Variants in GALNT16 observed in about 807,000 individuals in gnomAD.
The protein encoded by GALNT16 is polypeptide N-acetylgalactosaminyltransferase 16, also known as UDP-GalNAc:polypeptide N-acetylgalactosaminyltransferase-like protein 1.
A neutral mutation model predicts 76.1 loss-of-function variants in GALNT16; 40 were observed. The observed-to-expected ratio is 0.53, with a 90% confidence interval of 0.41 to 0.68. The LOEUF is 0.68. GALNT16 is among the 30% of genes least tolerant of loss of function. GALNT16 has a pLI of 0.00. For missense variants in GALNT16, 621 were observed against 731.9 expected (o/e 0.85, Z 1.75); for synonymous variants, 276 against 285.2 (o/e 0.97, Z 0.32).
intron 1 of GALNT16, among the ~76,000 whole-genome samples, chr14:69,299,385 A>C (rs2044815196): frequency 6.6e-6 from 1 of 152,150 alleles, no homozygotes; most frequent in African/African-American, 2.4e-5. Context: ...TGCATGCAGC[A>C]AGTTTATCTG....
the GALNT16 span, among the ~76,000 whole-genome samples, chr14:69,371,060 A>G: frequency 6.6e-6 from 1 of 152,218 alleles, no homozygotes; most frequent in Non-Finnish European, 1.5e-5. Context: ...AGGACAGCCT[A>G]TTAGAGAATC....
At chr14:69,344,910 C>G (rs978317567) in intron 12 of GALNT16, among the ~76,000 whole-genome samples, 1 of 152,218 alleles carries the variant, frequency 6.6e-6, no homozygotes, top group African/African-American at 2.4e-5. Flanking sequence ...TGCCCTCCAA[C>G]ATGCTTGCAC....
chr14:69,260,136 A>AAGCCCCCC, upstream of GALNT16: 2 of 113,994 alleles, frequency 1.8e-5, no homozygotes, highest in South Asian at 2.2e-4. Context: ...TCTCCCTATC[A>AAGCCCCCC]CCCCCCCGCC....
At chr14:69,384,595 T>C in the GALNT16 span, among the ~76,000 whole-genome samples, 1 of 152,314 alleles carries the variant, frequency 6.6e-6, no homozygotes, top group East Asian at 1.9e-4. Context: ...TAAGGTTCTT[T>C]TATAAAACCA....
chr14:69,283,080 AC>A (rs2044565158), intron 1 of GALNT16, among the ~76,000 whole-genome samples: 1 of 152,220 alleles, frequency 6.6e-6, no homozygotes, highest in African/African-American at 2.4e-5. Flanking sequence ...CCATATCAGC[AC>A]CTGCCATGCA....
intron 1 of GALNT16, among the ~76,000 whole-genome samples, chr14:69,291,946 C>T (rs533414429): frequency 8.5e-5 from 13 of 152,302 alleles, no homozygotes; most frequent in Admixed American, 7.8e-4. Flanking sequence ...ATGGGTGTGA[C>T]CCCACAGGCA....
At chr14:69,376,998 G>C in the GALNT16 span, among the ~76,000 whole-genome samples, 1 of 152,174 alleles carries the variant, frequency 6.6e-6, no homozygotes, top group Non-Finnish European at 1.5e-5. Flanking sequence ...GAGCTACTGT[G>C]TGTTTCCGTG....
At chr14:69,335,515 T>TTTTTTC (rs1419275563) in intron 9 of GALNT16, among the ~76,000 whole-genome samples, 1 of 152,134 alleles carries the variant, frequency 6.6e-6, no homozygotes, top group Non-Finnish European at 1.5e-5. Context: ...CCAAAGGCCA[T>TTTTTTC]TTTTTCTTTT....
At chr14:69,266,086 C>T (rs1036440653) in intron 1 of GALNT16, among the ~76,000 whole-genome samples, 2 of 152,230 alleles carry the variant, frequency 1.3e-5, no homozygotes, top group African/African-American at 4.8e-5. Context: ...AGGTGTTTCT[C>T]ACTCCAAAGC....
chr14:69,291,225 C>T (rs1010867064), intron 1 of GALNT16, among the ~76,000 whole-genome samples: 2 of 152,156 alleles, frequency 1.3e-5, no homozygotes, highest in African/African-American at 2.4e-5. Context: ...GCCTAGGAGG[C>T]AGAGGTTGCA....
intron 1 of GALNT16, among the ~76,000 whole-genome samples, chr14:69,269,810 T>TGTGTGTGTGTGTGTG (rs556443351): frequency 1.1e-4 from 16 of 144,484 alleles, no homozygotes; most frequent in African/African-American, 4.2e-4. Flanking sequence ...ATTTGTGTGT[T>TGTGTGTGTGTGTGTG]TGTGTGTGTG....
intron 1 of GALNT16, among the ~76,000 whole-genome samples, chr14:69,269,335 G>A (rs192702523): frequency 6.6e-6 from 1 of 151,472 alleles, no homozygotes; most frequent in Non-Finnish European, 1.5e-5. Context: ...ATGTTGTGTT[G>A]TATGGGTATG....
chr14:69,370,249 T>C, the GALNT16 span, among the ~76,000 whole-genome samples: 1 of 152,194 alleles, frequency 6.6e-6, no homozygotes, highest in Admixed American at 6.5e-5. Context: ...CGGGCTTCCT[T>C]GCAAGCTCCG....
the GALNT16 span, among the ~76,000 whole-genome samples, chr14:69,385,134 G>A: frequency 3.1e-3 from 476 of 152,188 alleles, 4 homozygotes; most frequent in African/African-American, 0.011. Flanking sequence ...CGTTGCTGTT[G>A]TCCTCATATA....
At chr14:69,357,735 C>G (rs1378652354), downstream of GALNT16, 1 of 152,248 alleles carries the variant, frequency 6.6e-6, no homozygotes, top group Non-Finnish European at 1.5e-5. Flanking sequence ...AAATATGTGT[C>G]TCTTAAGATG....
At chr14:69,329,235 T>C (rs1458702710) in intron 6 of GALNT16, among the ~76,000 whole-genome samples, 1 of 152,110 alleles carries the variant, frequency 6.6e-6, no homozygotes, top group Non-Finnish European at 1.5e-5. Context: ...CGGGTGCCTG[T>C]GCTCCCAGCT....
At chr14:69,325,911 T>C in intron 4 of GALNT16, 51 bp from the exon 5 acceptor site, 1 of 1,435,106 alleles carries the variant, frequency 7.0e-7, no homozygotes, top group Non-Finnish European at 9.8e-7. Flanking sequence ...AAACCACTAG[T>C]GGCCTGATGC....
intron 1 of GALNT16, among the ~76,000 whole-genome samples, chr14:69,305,109 T>G (rs112178501): frequency 0.15 from 22,760 of 149,850 alleles, 2,556 homozygotes; most frequent in East Asian, 0.43. Flanking sequence ...TTCCAATTTC[T>G]CCACATCCTC....
intron 3 of GALNT16, among the ~76,000 whole-genome samples, 183 bp downstream of exon 3, chr14:69,324,973 G>A (rs545317847): frequency 3.5e-4 from 54 of 152,326 alleles, no homozygotes; most frequent in African/African-American, 1.3e-3. Context: ...TTAGAGGAAT[G>A]CGACAGTCAA....
Sources: gnomAD v4.1 joint callset for allele counts (sites outside exome capture counted in the v4.1 genomes callset) on GRCh38, gnomAD v4.1.1 for gene constraint, MANE v1.5 for transcripts, NCBI Gene and HGNC (gene_info 2026-07-23, HGNC 2026-07-21) for gene names.